CEP250: variants seen among roughly 807,000 people sequenced by gnomAD.
CEP250 encodes the protein centrosome-associated protein CEP250.
A neutral mutation model predicts 315.7 loss-of-function variants in CEP250; 242 were observed. The ratio of observed to expected loss-of-function variants is 0.77; its 90% CI spans 0.69 to 0.85. The LOEUF (loss-of-function observed/expected upper bound fraction) is 0.85, where lower values mean the gene tolerates loss of function less well. Among genes scored for constraint, CEP250 ranks in the 40% least tolerant of loss-of-function variants. The probability of loss-of-function intolerance (pLI) is 0.00; values close to 1 mark genes in which losing one functional copy is unlikely to be tolerated. For missense variants in CEP250, 2,515 were observed against 2,886.4 expected (o/e 0.87, Z 2.95); for synonymous variants, 1,088 against 1,175.0 (o/e 0.93, Z 1.51).
chr20:35,473,790 C>A, intron 13 of CEP250, 80 bp from the exon 14 acceptor site: 1 of 1,296,782 alleles, frequency 7.7e-7, no homozygotes, highest in Non-Finnish European at 1.1e-6. Flanking sequence ...GAAACAGGGT[C>A]TCTTGGCCCT....
chr20:35,497,934 C>G lies in CEP250; in HGVS notation c.3522C>G (p.Asn1174Lys), dbSNP rs1413913310. The G allele has an allele frequency of 6.2e-7, 1 of 1,609,898 alleles. No individual in the cohort carries two copies. The part of the protein sequence containing the change: ...EALAAEQQPG[N>K]QAQAQAQLAS... ...TGGCCGCAGAGCAGCAGCCCGGGAA[C>G]CAGGCCCAGGCCCAGGCCCAGCTGG... is the stretch of plus-strand genomic sequence containing the variant. The change falls in exon 26 of 35, where the codon AAC becomes AAG. Residue 1174 changes from asparagine (N) to lysine (K), a missense_variant. Coordinates refer to ENST00000397527, the MANE Select transcript of CEP250 (RefSeq NM_007186.6).
intron 20 of CEP250, among the ~76,000 whole-genome samples, chr20:35,482,490 C>T (rs113589380): frequency 6.6e-6 from 1 of 151,928 alleles, no homozygotes; most frequent in Admixed American, 6.6e-5. Flanking sequence ...CCACCCGCCT[C>T]GGCCTCCCAA....
Position 35,508,129 on chromosome 20 carries a change from T to G in CEP250, c.6845T>G (p.Leu2282Arg). Residue 2282 changes from leucine to arginine, a missense_variant, in exon 32 of 35, where the codon CTG becomes CGG. Physicochemically the swap from Leu to Arg is moderately radical, Grantham distance 102. Transcript: ENST00000397527. ...CACCTGCAGCAAGCAGTGGCCCGGC[T>G]GGAGATTGACAGGAGCAGGCTGCAG... ...LEHLQQAVAR[L>R]EIDRSRLQRH... is the part of the protein sequence containing the mutation. 1 of 1,614,036 alleles carries G rather than the reference T, an allele frequency of 6.2e-7. No homozygotes were observed. Among genetic ancestry groups the G allele is most frequent in the South Asian group, 1.1e-5 (1 of 91,070 alleles).
intron 30 of CEP250, 104 bp from the exon 31 acceptor site, chr20:35,507,634 C>T: frequency 1.1e-6 from 1 of 880,176 alleles, no homozygotes; most frequent in Non-Finnish European, 1.8e-6. Flanking sequence ...AAAAATAAGA[C>T]AAAAGCCTGA....
At chr20:35,466,896 T>A (rs1052759495) in intron 7 of CEP250, 70 bp from the exon 8 acceptor site, 4 of 931,782 alleles carry the variant, frequency 4.3e-6, no homozygotes, top group Non-Finnish European at 7.1e-6. Context: ...TCAGGAGGAA[T>A]CCAAGACTCT....
At chr20:35,499,781 G>A (rs1305960995) in intron 27 of CEP250, among the ~76,000 whole-genome samples, 1 of 152,164 alleles carries the variant, frequency 6.6e-6, no homozygotes, top group Non-Finnish European at 1.5e-5. Flanking sequence ...GGTGACCCCT[G>A]GGCTAACTTT....
chr20:35,504,472 G>T lies in CEP250; in HGVS notation c.6103G>T (p.Glu2035Ter). 1.9e-6 allele frequency: 3 copies of T among 1,613,554 alleles called. No individual in the cohort carries two copies. The highest frequency in any genetic ancestry group is 2.5e-6 in the Non-Finnish European group (3 of 1,179,770). Residue 2035 changes from glutamate to a stop codon, truncating the protein, a stop_gained, in exon 30 of 35, where the codon GAG becomes TAG. Coordinates refer to ENST00000397527, the MANE Select transcript of CEP250 (RefSeq NM_007186.6). LOFTEE classifies it high-confidence loss of function. Reference protein sequence around the residue: ...EIQDQDLRYQEDVQQLQQALA... With the variant: ...EIQDQDLRYQ ...CCAGGACCAGGATCTCCGATACCAG[G>T]AGGATGTGCAGCAGCTGCAGCAGGC...
In CEP250 at chr20:35,516,571, T is replaced by C. The variant is rs558459760; in HGVS notation, c.*4945T>C. The C allele has an allele frequency of 1.3e-5, 2 of 152,384 alleles. No individual in the cohort carries two copies. The highest frequency in any genetic ancestry group is 2.4e-5 in the African/African-American group (1 of 41,596). 9.4% of individuals were successfully genotyped at this position (152,384 alleles called of 1,614,324 possible). ...GACTCCATTACCTGGTGAATGAGAT[T>C]GGCTAGCTGCTGCTCCTGCCCCAGC... On this transcript the variant is annotated 3_prime_UTR_variant, in exon 35 of 35. Coordinates refer to ENST00000397527, the MANE Select transcript of CEP250 (RefSeq NM_007186.6).
At chr20:35,505,818 C>T (rs954656297) in intron 30 of CEP250, among the ~76,000 whole-genome samples, 16 of 151,986 alleles carry the variant, frequency 1.1e-4, no homozygotes, top group Non-Finnish European at 1.6e-4. Context: ...GGGAAGAGAC[C>T]GGAAGACAGC....
intron 13 of CEP250, 114 bp from the exon 14 acceptor site, chr20:35,473,756 A>G: frequency 1.8e-6 from 2 of 1,102,110 alleles, no homozygotes; most frequent in Non-Finnish European, 2.6e-6. Flanking sequence ...AAAGTTTCGC[A>G]CTAGAAACAG....
At position 35,504,460 on chromosome 20, in the gene CEP250, C is replaced by T. The variant is rs781593033; in HGVS notation, c.6091C>T (p.Leu2031Phe). The change falls in exon 30 of 35, where the codon CTC (leucine) becomes TTC (phenylalanine). Residue 2031 changes from leucine (L) to phenylalanine (F), a missense_variant. Leu to Phe is a conservative substitution (Grantham distance 22, BLOSUM62 0). Coordinates refer to ENST00000397527, the MANE Select transcript of CEP250 (RefSeq NM_007186.6). ...AGAAGGTGAGATCCAGGACCAGGATCTCCGATACCAGGAGGATGTGCAGCA... is the reference window on the plus strand; with the variant it reads ...AGAAGGTGAGATCCAGGACCAGGATTTCCGATACCAGGAGGATGTGCAGCA... ...IQEGEIQDQD[L>F]RYQEDVQQLQ... The T allele has an allele frequency of 9.3e-6, 15 of 1,612,848 alleles. No homozygotes were observed. Among genetic ancestry groups the T allele is most frequent in the Non-Finnish European group, 1.3e-5 (15 of 1,179,460 alleles).
At chr20:35,462,843 C>T (rs1213593039) in intron 4 of CEP250, among the ~76,000 whole-genome samples, 1 of 152,136 alleles carries the variant, frequency 6.6e-6, no homozygotes, top group Non-Finnish European at 1.5e-5. Flanking sequence ...ATCGCTGCAG[C>T]CTCAACCTCC....
Position 35,517,831 on chromosome 20 carries a change from G to C in CEP250, c.*6205G>C, listed in dbSNP as rs188817337. ...GCCTGTAATCCCAGCACTTTGGGAG[G>C]CCCAGGCAGGCAGATTGCTTGGGCT... is the stretch of plus-strand genomic sequence containing the variant. On this transcript the variant is annotated 3_prime_UTR_variant, in exon 35 of 35. Coordinates refer to ENST00000397527, the MANE Select transcript of CEP250 (RefSeq NM_007186.6). The C allele has an allele frequency of 6.6e-6, 1 of 151,798 alleles. No individual in the cohort carries two copies. Among genetic ancestry groups the C allele is most frequent in the East Asian group, 1.9e-4 (1 of 5,160 alleles). 9.4% of individuals were successfully genotyped at this position (151,798 alleles called of 1,614,324 possible).
At position 35,511,683 on chromosome 20, in the gene CEP250, G is replaced by C. The variant is rs182066632; in HGVS notation, c.*57G>C. 2 of 1,546,644 alleles carry C rather than the reference G, an allele frequency of 1.3e-6. No individual in the cohort carries two copies. Among genetic ancestry groups the C allele is most frequent in the Non-Finnish European group, 1.7e-6 (2 of 1,143,226 alleles). On this transcript the variant is annotated 3_prime_UTR_variant, in exon 35 of 35. Coordinates refer to ENST00000397527, the MANE Select transcript of CEP250 (RefSeq NM_007186.6). ...CTGTGTCATGGGTCATGGCCCCTCCGCACACCTACAGGTTTGCCAAAGGAA... is the reference window on the plus strand; with the variant it reads ...CTGTGTCATGGGTCATGGCCCCTCCCCACACCTACAGGTTTGCCAAAGGAA...
Position 35,503,711 on chromosome 20 carries a change from T to A in CEP250, c.5342T>A (p.Val1781Glu). The change falls in exon 30 of 35, where the codon GTG (valine) becomes GAG (glutamate). Residue 1781 changes from valine (V) to glutamate (E), a missense_variant. By Grantham distance (121) the Val-to-Glu change is moderately radical (BLOSUM62 -2). Coordinates refer to ENST00000397527, the MANE Select transcript of CEP250 (RefSeq NM_007186.6). The surrounding 1 kb of genome is among the most constrained non-coding windows in gnomAD (Gnocchi z 4.2). ...LLLSQREQEI[V>E]VLQQQLQEAR... ...CTGTCCCAGCGAGAGCAGGAAATAG[T>A]GGTCCTGCAGCAGCAACTGCAGGAA... The A allele has an allele frequency of 6.2e-7, 1 of 1,613,932 alleles. No homozygotes were observed. The highest frequency in any genetic ancestry group is 8.5e-7 in the Non-Finnish European group (1 of 1,179,968).
intron 28 of CEP250, 24 bp from the exon 29 acceptor site, chr20:35,501,821 C>A: frequency 7.0e-7 from 1 of 1,426,444 alleles, no homozygotes; most frequent in Non-Finnish European, 9.1e-7. Flanking sequence ...ACTACCTCTC[C>A]TCTCCTCTCC....
At position 35,516,270 on chromosome 20, in the gene CEP250, A is replaced by G. The variant is rs1286658334; in HGVS notation, c.*4644A>G. 6.6e-6 allele frequency: 1 copy of G among 152,230 alleles called. No homozygotes were observed. The highest frequency in any genetic ancestry group is 2.4e-5 in the African/African-American group (1 of 41,444). The allele number at this position is 152,230 out of a possible 1,614,324, so 9.4% of individuals were successfully genotyped here. On this transcript the variant is annotated 3_prime_UTR_variant, in exon 35 of 35. Transcript: ENST00000397527. ...CATATTCAAATGTGATTCTTTCTTAATTACTACCAGTTGTTCAGGTGAGGG... is the reference window on the plus strand; with the variant it reads ...CATATTCAAATGTGATTCTTTCTTAGTTACTACCAGTTGTTCAGGTGAGGG...
intron 20 of CEP250, 131 bp downstream of exon 20, chr20:35,480,276 T>A: frequency 2.3e-6 from 2 of 882,442 alleles, no homozygotes; most frequent in Non-Finnish European, 3.4e-6. Flanking sequence ...TTCCTGCTAT[T>A]AAATGAGTTA....
At chr20:35,480,483 G>A (rs1231540883) in intron 20 of CEP250, among the ~76,000 whole-genome samples, 1 of 151,052 alleles carries the variant, frequency 6.6e-6, no homozygotes, top group Non-Finnish European at 1.5e-5. Flanking sequence ...TCAGAACTGT[G>A]TTTTGTCTTT....
Sources: allele counts gnomAD v4.1 joint callset (sites outside exome capture counted in the v4.1 genomes callset), GRCh38; gene constraint gnomAD v4.1.1; non-coding constraint Gnocchi (gnomAD v3.1); transcripts MANE v1.5; gene names NCBI Gene and HGNC (gene_info 2026-07-23, HGNC 2026-07-21).